The following BSG variants were observed in gnomAD, a reference collection of about 807,000 sequenced individuals.
The protein encoded by BSG is basigin (Ok blood group).
Under a neutral mutation model 43.1 loss-of-function variants are expected in BSG, and 37 were observed. The ratio of observed to expected loss-of-function variants is 0.86; its 90% confidence interval spans 0.66 to 1.13. The LOEUF (loss-of-function observed/expected upper bound fraction) is 1.13, where lower values mean the gene tolerates loss of function less well. Ranked by LOEUF, BSG falls within the 50% of genes most tolerant of loss-of-function variation. The pLI, the probability that BSG is intolerant of heterozygous loss-of-function variation, is 0.00. For synonymous variants in BSG, 309 were observed against 238.7 expected (o/e 1.29, Z -2.72); for missense variants, 599 against 554.2 (o/e 1.08, Z -0.81).
chr19:580,165 A>AG (rs1270560937), intron 3 of BSG, among the ~76,000 whole-genome samples: 1 of 25,666 alleles, frequency 3.9e-5, no homozygotes, highest in African/African-American at 1.3e-3. Context: ...GTCGGGGAGA[A>AG]GGGGGTCTGT....
rs28921991 is a variant in BSG at position 579,250 on chromosome 19, G to T, written c.416-250G>T. On this transcript the variant is annotated intron_variant, in intron 2 of 8. Coordinates refer to ENST00000333511, the MANE Select transcript of BSG (RefSeq NM_001728.4). ...AGCCCAGGGCCCGCCAGCTGCCAGC[G>T]AAGGGTGCCTTCCCGAAGGGGGTGC... 4 of 605,958 alleles carry T rather than the reference G, an allele frequency of 6.6e-6. No homozygotes were observed. The African/African-American group carries it at 7.3e-5, about 11-fold the overall frequency. The allele number at this position is 605,958 out of a possible 1,614,324, so 37.5% of individuals were successfully genotyped here. A position where few individuals can be genotyped will look rare whatever the true frequency, so the allele number is the denominator to read the frequency against.
intron 1 of BSG, among the ~76,000 whole-genome samples, chr19:577,189 G>A (rs573279565): frequency 3.6e-4 from 55 of 152,280 alleles, no homozygotes; most frequent in African/African-American, 1.3e-3. Flanking sequence ...AAGGGGAGGC[G>A]TGTGGCTGGA....
At chr19:573,075 C>T (rs375264688) in intron 1 of BSG, among the ~76,000 whole-genome samples, 7 of 117,014 alleles carry the variant, frequency 6.0e-5, no homozygotes, top group African/African-American at 2.5e-4. Flanking sequence ...GGGTGACCTG[C>T]TTCCTGGGTG....
upstream of BSG, chr19:572,491 G>T: frequency 8.4e-7 from 1 of 1,189,290 alleles, no homozygotes; most frequent in South Asian, 4.2e-5. Flanking sequence ...CAGGCGGGGC[G>T]ACCGGCGTCC....
chr19:582,241 G>A, intron 6 of BSG, 65 bp from the exon 7 acceptor site: 1 of 1,592,922 alleles, frequency 6.3e-7, no homozygotes, highest in Non-Finnish European at 8.5e-7. Context: ...CTCGGGGCCT[G>A]AGTGGGGCCA....
At chr19:572,521 C>T, upstream of BSG, 2 of 1,236,496 alleles carry the variant, frequency 1.6e-6, no homozygotes, top group East Asian at 3.4e-5. Flanking sequence ...GCCCCGCCCC[C>T]GAGATGACGC....
At chr19:579,428 T>C (rs1276016387) in intron 2 of BSG, 72 bp from the exon 3 acceptor site, 2 of 1,593,464 alleles carry the variant, frequency 1.3e-6, no homozygotes, top group African/African-American at 1.3e-5. Context: ...AGCCGCAGGT[T>C]CCTGGGGGTC....
At position 576,936 on chromosome 19, in the gene BSG, TTG is replaced by T. The variant is rs72055580; in HGVS notation, c.68-830_68-829del. On this transcript the variant is annotated intron_variant, in intron 1 of 8. Transcript: ENST00000333511. ...GCACGCATATGCACGTGTGTATGTG[TTG>T]TGTGTGTTTGCAGACGTGTGTCCTT... Among the ~76,000 whole-genome samples the T allele has an allele frequency of 4.7e-3, 693 of 148,516 alleles. 3 individuals carry two copies. The highest frequency in any genetic ancestry group is 0.016 in the African/African-American group (610 of 39,138).
At chr19:582,194 G>A in intron 6 of BSG, 112 bp from the exon 7 acceptor site, 2 of 1,449,132 alleles carry the variant, frequency 1.4e-6, no homozygotes, top group Admixed American at 2.2e-5. Context: ...ACCCCTGGGG[G>A]TCACTGAGGG....
chr19:572,494 C>T, upstream of BSG: 3 of 1,192,326 alleles, frequency 2.5e-6, no homozygotes, highest in Non-Finnish European at 3.1e-6. Context: ...GCGGGGCGAC[C>T]GGCGTCCCCG....
chr19:582,394 C>T, intron 7 of BSG, 64 bp downstream of exon 7: 2 of 1,594,408 alleles, frequency 1.3e-6, no homozygotes, highest in Non-Finnish European at 1.7e-6. Context: ...GCCTTTAAAA[C>T]ACAAAGGCAG....
At chr19:572,435 A>G (rs1981322412), upstream of BSG, 5 of 1,140,866 alleles carry the variant, frequency 4.4e-6, no homozygotes, top group Middle Eastern at 3.6e-4. Flanking sequence ...CCGTAGCGTG[A>G]GCCTGCCGGA....
At chr19:580,550 C>A in intron 4 of BSG, 89 bp downstream of exon 4, 2 of 1,601,954 alleles carry the variant, frequency 1.2e-6, no homozygotes, top group African/African-American at 1.3e-5. Context: ...AGAGCCCTGG[C>A]CCCCTGCTCC....
chr19:581,783 A>C lies in BSG; in HGVS notation c.1069+192A>C, dbSNP rs28992481. ...CCCGGGCAGCTGCGGCTCAGTGGGC[A>C]GCGGGACCCCGGGAGGAGGAGGCGG... On this transcript the variant is annotated intron_variant, in intron 6 of 8. Transcript: ENST00000333511. Among the ~76,000 whole-genome samples, 288 of 152,358 alleles carry C rather than the reference A, an allele frequency of 1.9e-3. 1 individual carries two copies. Among genetic ancestry groups the C allele is most frequent in the African/African-American group, 6.7e-3 (279 of 41,582 alleles).
chr19:576,871 G>T lies in BSG; in HGVS notation c.68-903G>T, dbSNP rs1456838344. 1.3e-5 allele frequency among the ~76,000 whole-genome samples: 2 copies of T among 152,262 alleles called. 1 individual carries two copies. Among genetic ancestry groups the T allele is most frequent in the South Asian group, 4.1e-4 (2 of 4,836 alleles). ...CATTCCTGTCCCCGTGGCCTTGGGGGCCGTGACCTGTGCACTGCCACGCAG... is the reference window on the plus strand; with the variant it reads ...CATTCCTGTCCCCGTGGCCTTGGGGTCCGTGACCTGTGCACTGCCACGCAG... On this transcript the variant is annotated intron_variant, in intron 1 of 8. Transcript: ENST00000333511.
At chr19:580,596 A>T (rs1982202909) in intron 4 of BSG, 50 bp from the exon 5 acceptor site, 1 of 1,608,882 alleles carries the variant, frequency 6.2e-7, no homozygotes, top group South Asian at 1.1e-5. Context: ...GAGGCCGGGG[A>T]TGGGGGCGGG....
At chr19:578,865 G>A (rs1982017140) in intron 2 of BSG, 1 of 372,726 alleles carries the variant, frequency 2.7e-6, no homozygotes, top group Non-Finnish European at 5.4e-6. Context: ...TGAGTAGCTG[G>A]GATTACAGGC....
chr19:571,627 T>G (rs771347561), upstream of BSG: 1 of 779,094 alleles, frequency 1.3e-6, no homozygotes, highest in Non-Finnish European at 2.4e-6. Flanking sequence ...AATGGGATAT[T>G]TGGGGGCGGC....
intron 8 of BSG, 33 bp downstream of exon 8, chr19:582,615 TGTG>T (rs751595695): frequency 5.2e-4 from 24 of 45,818 alleles, no homozygotes; most frequent in South Asian, 3.2e-3. Flanking sequence ...CTGAGCCAGG[TGTG>T]GTGGGTGGGT....
Sources: allele counts gnomAD v4.1 joint callset (sites outside exome capture counted in the v4.1 genomes callset), GRCh38; gene constraint gnomAD v4.1.1; transcripts MANE v1.5; gene names NCBI Gene and HGNC (gene_info 2026-07-23, HGNC 2026-07-21).